HIVEP3: variants seen among roughly 807,000 people sequenced by gnomAD.
HIVEP3 encodes HIVEP zinc finger 3.
A neutral mutation model predicts 152.8 loss-of-function variants in HIVEP3; 49 were observed. The ratio of observed to expected loss-of-function variants is 0.32; its 90% CI spans 0.26 to 0.41. The LOEUF is 0.41. Among genes scored for constraint, HIVEP3 ranks in the 10% least tolerant of loss-of-function variants. The pLI is 1.00. For missense variants in HIVEP3, 2,790 were observed against 3,103.3 expected, an observed-to-expected ratio of 0.90 and a Z score of 2.40; for synonymous variants, 1,269 against 1,289.0, an observed-to-expected ratio of 0.98 and a Z score of 0.33.
At chr1:41,683,021 T>G (rs1017472340) in intron 2 of HIVEP3, among the ~76,000 whole-genome samples, 3 of 152,160 alleles carry the variant, frequency 2.0e-5, no homozygotes, top group African/African-American at 7.2e-5. Flanking sequence ...ACAAGAGGAC[T>G]AAGTGGAGAT....
chr1:41,822,558 G>T (rs1050491078), intron 1 of HIVEP3, among the ~76,000 whole-genome samples: 15 of 152,200 alleles, frequency 9.9e-5, no homozygotes, highest in Non-Finnish European at 2.2e-4. Context: ...GAATAAGAGT[G>T]GTTAGAGGTT....
intron 1 of HIVEP3, among the ~76,000 whole-genome samples, chr1:41,788,170 C>T (rs919556795): frequency 2.6e-5 from 4 of 152,178 alleles, no homozygotes; most frequent in African/African-American, 9.7e-5. Flanking sequence ...GGAGTGGCCA[C>T]CCCCCGACAG....
rs774652688 is a variant in HIVEP3 at position 41,583,698 on chromosome 1, C to T, written c.1100G>A (p.Arg367His). The part of the protein sequence containing the change: ...THTIKQKLAL[R>H]LSERKKVIDE... ...GATCACCTTCTTCCTCTCGCTTAAGCGGAGGGCCAGCTTCTGCTTAATCGT... is the reference window on the plus strand; with the variant it reads ...GATCACCTTCTTCCTCTCGCTTAAGTGGAGGGCCAGCTTCTGCTTAATCGT... The change falls in exon 4 of 9, where the codon CGC becomes CAC. Residue 367 changes from arginine (R) to histidine (H), a missense_variant. Transcript: ENST00000372583. This position sits in a 1 kb window ranked among gnomAD's most constrained non-coding sequence, Gnocchi z 6.9. The T allele has an allele frequency of 1.1e-5, 18 of 1,612,682 alleles. No individual in the cohort carries two copies. The highest frequency in any genetic ancestry group is 2.7e-5 in the African/African-American group (2 of 74,864).
chr1:41,782,887 C>T (rs556715208), intron 1 of HIVEP3, among the ~76,000 whole-genome samples: 1 of 152,212 alleles, frequency 6.6e-6, no homozygotes, highest in East Asian at 1.9e-4. Context: ...GTGACCAGGT[C>T]AGAACGGAGG....
chr1:41,699,303 C>T (rs1646325100), intron 2 of HIVEP3, among the ~76,000 whole-genome samples: 1 of 152,222 alleles, frequency 6.6e-6, no homozygotes, highest in South Asian at 2.1e-4. Context: ...AGGGGCAGGG[C>T]AGGGTTGGAG....
At chr1:41,719,150 G>A (rs531835656) in intron 1 of HIVEP3, among the ~76,000 whole-genome samples, 217 of 152,368 alleles carry the variant, frequency 1.4e-3, no homozygotes, top group Middle Eastern at 6.8e-3. Flanking sequence ...TACCCTGGAA[G>A]ACTTCCTGGA....
chr1:41,567,815 G>C (rs2149094226), intron 5 of HIVEP3, among the ~76,000 whole-genome samples: 1 of 152,332 alleles, frequency 6.6e-6, no homozygotes. Context: ...CAACCCCAGA[G>C]CCTGCCCCAT....
At chr1:41,574,937 G>A (rs1420253575) in intron 5 of HIVEP3, among the ~76,000 whole-genome samples, 1 of 152,176 alleles carries the variant, frequency 6.6e-6, no homozygotes, top group Non-Finnish European at 1.5e-5. Flanking sequence ...GCTCTGAAAC[G>A]TTTAGACCAT....
rs764779139 is a variant in HIVEP3, at chr1:41,508,005, G to C, written c.*2446C>G. ...GAGCCTGACGGGCCCGGTGACTGCC[G>C]GGCCTCTGCCCTGCCGGCTGCACTG... On this transcript the variant is annotated 3_prime_UTR_variant, in exon 9 of 9. Coordinates refer to ENST00000372583, the MANE Select transcript of HIVEP3 (RefSeq NM_024503.5). 1 of 152,328 alleles carries C rather than the reference G, an allele frequency of 6.6e-6. No homozygotes were observed. Among genetic ancestry groups the C allele is most frequent in the African/African-American group, 2.4e-5 (1 of 41,452 alleles). 9.4% of individuals were successfully genotyped at this position (152,328 alleles called of 1,614,324 possible). A position where few individuals can be genotyped will look rare whatever the true frequency, so the allele number is the denominator to read the frequency against.
At chr1:41,691,443 A>G (rs1331643789) in intron 2 of HIVEP3, among the ~76,000 whole-genome samples, 4 of 152,204 alleles carry the variant, frequency 2.6e-5, no homozygotes, top group Non-Finnish European at 5.9e-5. Flanking sequence ...AATCCTGACC[A>G]TCAAGGTGAT....
intron 2 of HIVEP3, among the ~76,000 whole-genome samples, chr1:41,699,035 C>T (rs573311855): frequency 6.6e-6 from 1 of 152,220 alleles, no homozygotes; most frequent in Non-Finnish European, 1.5e-5. Flanking sequence ...AAGGCACGCA[C>T]GCTGACTGAT....
chr1:41,616,309 C>A (rs542994728), intron 3 of HIVEP3, among the ~76,000 whole-genome samples: 1 of 152,294 alleles, frequency 6.6e-6, no homozygotes, highest in East Asian at 1.9e-4. Context: ...TAGAATTAAG[C>A]CCCCAGCCAA....
chr1:42,018,558 T>C (rs374529315), intron 1 of HIVEP3, among the ~76,000 whole-genome samples: 7 of 152,098 alleles, frequency 4.6e-5, no homozygotes, highest in African/African-American at 1.7e-4. Flanking sequence ...AATTCTCTAA[T>C]CTGTTCCATT....
chr1:41,516,635 G>C (rs7534773), intron 7 of HIVEP3, among the ~76,000 whole-genome samples: 15,785 of 152,208 alleles, frequency 0.1, 2,690 homozygotes, highest in African/African-American at 0.36. Flanking sequence ...TCTCTCCTCC[G>C]CTCCAGGGCA....
At chr1:41,920,593 T>C (rs1644935020), upstream of HIVEP3, among the ~76,000 whole-genome samples, 3 of 147,716 alleles carry the variant, frequency 2.0e-5, 1 homozygote, top group African/African-American at 7.9e-5. Flanking sequence ...TTTTTTTTGT[T>C]TTGTTTTTTA....
chr1:41,558,465 TGG>T (rs1351617674), intron 5 of HIVEP3, among the ~76,000 whole-genome samples: 1 of 152,172 alleles, frequency 6.6e-6, no homozygotes, highest in African/African-American at 2.4e-5. Flanking sequence ...GATGAGGATT[TGG>T]GGAAGCCTAG....
At chr1:41,991,883 G>A (rs1483683093) in intron 1 of HIVEP3, among the ~76,000 whole-genome samples, 4 of 124,052 alleles carry the variant, frequency 3.2e-5, no homozygotes, top group Non-Finnish European at 5.0e-5. Flanking sequence ...TATAAACAGA[G>A]CCAAAGACAA....
Position 41,895,864 on chromosome 1 carries a change from G to A in HIVEP3, c.-801+22549C>T, listed in dbSNP as rs542682051. 7.9e-5 allele frequency among the ~76,000 whole-genome samples: 12 copies of A among 152,276 alleles called. No homozygotes were observed. In the South Asian group the frequency reaches 1.2e-3, roughly 16 times the overall value. On this transcript the variant is annotated intron_variant, in intron 1 of 8. Transcript: ENST00000372583. ...CTGGGAGTGCTAAGGGCAAAGAAAC[G>A]GCTTAAAGACAGAGAGACTATGTTT...
intron 5 of HIVEP3, among the ~76,000 whole-genome samples, chr1:41,556,355 AC>A (rs1209682433): frequency 6.6e-6 from 1 of 152,076 alleles, no homozygotes; most frequent in Non-Finnish European, 1.5e-5. Context: ...TGTAGTTTGG[AC>A]TTTTATTTCC....
Sources: allele counts gnomAD v4.1 joint callset (sites outside exome capture counted in the v4.1 genomes callset), GRCh38; gene constraint gnomAD v4.1.1; non-coding constraint Gnocchi (gnomAD v3.1); transcripts MANE v1.5; gene names NCBI Gene and HGNC (gene_info 2026-07-23, HGNC 2026-07-21).